The following TTC39C variants were observed in gnomAD, a reference collection of about 807,000 sequenced individuals.
TTC39C encodes tetratricopeptide repeat domain 39C.
In TTC39C, 33 loss-of-function variants were observed where a neutral mutation model predicts 76.3. The observed-to-expected ratio is 0.43, with a 90% CI of 0.33 to 0.58. TTC39C has a LOEUF of 0.58. TTC39C is among the 20% of genes least tolerant of loss of function. The pLI, the probability that TTC39C is intolerant of heterozygous loss-of-function variation, is 0.04. For synonymous variants in TTC39C, 254 were observed against 260.6 expected (o/e 0.97, Z 0.24); for missense variants, 595 against 701.4 (o/e 0.85, Z 1.71).
chr18:24,072,682 A>G (rs1336998873), intron 4 of TTC39C, among the ~76,000 whole-genome samples: 1 of 152,208 alleles, frequency 6.6e-6, no homozygotes, highest in Non-Finnish European at 1.5e-5. Context: ...TTAATTTCCC[A>G]TACTACTTTA....
intron 1 of TTC39C, among the ~76,000 whole-genome samples, chr18:24,054,545 T>C (rs1469413441): frequency 6.6e-6 from 1 of 152,200 alleles, no homozygotes; most frequent in African/African-American, 2.4e-5. Flanking sequence ...AAGACCCCCT[T>C]GATCTTCTTG....
At chr18:24,025,928 C>T (rs964894717) in intron 1 of TTC39C, among the ~76,000 whole-genome samples, 8 of 152,272 alleles carry the variant, frequency 5.3e-5, no homozygotes, top group East Asian at 1.9e-4. Flanking sequence ...GCGTTGGTGA[C>T]GGCAGGCAGC....
upstream of TTC39C, among the ~76,000 whole-genome samples, chr18:24,012,100 T>C (rs1341143303): frequency 1.3e-5 from 2 of 152,154 alleles, no homozygotes; most frequent in Non-Finnish European, 2.9e-5. Context: ...CCGGGGCAGG[T>C]GTCAATGCCA....
Position 24,134,257 on chromosome 18 carries a change from G to GTTTTTTTTTTTTTTTT in TTC39C, c.*1689_*1690insTTTTTTTTTTTTTTTT, listed in dbSNP as rs1182625147. On this transcript the variant is annotated 3_prime_UTR_variant, in exon 14 of 14. Transcript: ENST00000317571. Reference sequence around the variant, plus strand: ...TGGTGCCCAAAAATATTGGACATCTGTTTTTTGTTTTTTTTTTTTTTTTTT... The same window carrying GTTTTTTTTTTTTTTTT: ...TGGTGCCCAAAAATATTGGACATCTGTTTTTTTTTTTTTTTTTTTTTTGTTTTTTTTTTTTTTTTTT... 1.8e-4 allele frequency: 9 copies of GTTTTTTTTTTTTTTTT among 48,722 alleles called. 2 individuals carry two copies. Among genetic ancestry groups the GTTTTTTTTTTTTTTTT allele is most frequent in the Non-Finnish European group, 2.7e-4 (6 of 21,830 alleles). 3.0% of individuals were successfully genotyped at this position (48,722 alleles called of 1,614,324 possible). A position where few individuals can be genotyped will look rare whatever the true frequency, so the allele number is the denominator to read the frequency against.
At chr18:24,012,885 A>ACACACACACG (rs2083404629), upstream of TTC39C, 3 of 147,066 alleles carry the variant, frequency 2.0e-5, no homozygotes, top group Admixed American at 1.4e-4. Flanking sequence ...ACACACACAC[A>ACACACACACG]CGCATAAATT....
intron 1 of TTC39C, among the ~76,000 whole-genome samples, chr18:24,003,989 A>G (rs1032927897): frequency 3.3e-4 from 50 of 152,068 alleles, no homozygotes; most frequent in African/African-American, 1.1e-3. Flanking sequence ...GCCTCAAGCA[A>G]TCCTCCCTGC....
At chr18:24,027,887 G>T (rs564666785) in intron 1 of TTC39C, among the ~76,000 whole-genome samples, 1 of 228 alleles carries the variant, frequency 4.4e-3, no homozygotes, top group South Asian at 0.25. Context: ...ATCCAAGGCT[G>T]CATGGGGTGG....
chr18:24,025,233 T>C (rs1371499042), intron 1 of TTC39C, among the ~76,000 whole-genome samples: 1 of 152,216 alleles, frequency 6.6e-6, no homozygotes, highest in Non-Finnish European at 1.5e-5. Context: ...TACGTATCCT[T>C]AAGAATATTG....
intron 6 of TTC39C, among the ~76,000 whole-genome samples, chr18:24,107,699 G>A (rs1040427615): frequency 7.2e-5 from 11 of 152,166 alleles, no homozygotes; most frequent in African/African-American, 1.9e-4. Flanking sequence ...TCTCTTTTTC[G>A]ATAAATTATC....
chr18:24,114,308 G>C (rs2084862085), intron 6 of TTC39C: 1 of 263,344 alleles, frequency 3.8e-6, no homozygotes, highest in Non-Finnish European at 6.7e-6. Context: ...GAGAACGCTG[G>C]AGGAGAAGGC....
rs144279445 is a variant in TTC39C, at chr18:24,083,072, A to G, written c.975A>G (p.Gln325=). The part of the protein sequence containing the change: ...SLFMFFKGRI[Q]RLECQINSAL... The stretch of plus-strand genomic sequence containing the variant: ...TTATGTTTTTCAAGGGACGGATACA[A>G]CGACTAGAGGTACTGTACCTTCCTC... Residue 325 remains glutamine (Q), a synonymous_variant, in exon 6 of 14, where the codon CAA becomes CAG. Transcript: ENST00000317571. 4.8e-5 allele frequency: 77 copies of G among 1,613,844 alleles called. No individual in the cohort carries two copies. In the African/African-American group the frequency reaches 9.6e-4, roughly 20 times the overall value.
intron 1 of TTC39C, among the ~76,000 whole-genome samples, chr18:24,039,521 G>A (rs1435964559): frequency 6.6e-6 from 1 of 152,308 alleles, no homozygotes; most frequent in South Asian, 2.1e-4. Flanking sequence ...TTGTAGAGAC[G>A]GAGTCTCAGT....
intron 7 of TTC39C, among the ~76,000 whole-genome samples, chr18:24,116,587 C>T (rs2084894264): frequency 6.6e-6 from 1 of 152,110 alleles, no homozygotes; most frequent in South Asian, 2.1e-4. Flanking sequence ...ATGTCAATAT[C>T]ACATCCCATA....
upstream of TTC39C, among the ~76,000 whole-genome samples, chr18:24,012,319 C>G (rs1380460389): frequency 6.6e-6 from 1 of 152,126 alleles, no homozygotes; most frequent in African/African-American, 2.4e-5. Flanking sequence ...ATCCACGCCA[C>G]CCCTCCCCTG....
chr18:24,053,679 T>C (rs972687443), intron 1 of TTC39C, among the ~76,000 whole-genome samples: 6 of 152,196 alleles, frequency 3.9e-5, no homozygotes, highest in Non-Finnish European at 7.3e-5. Context: ...ACTTGAGATA[T>C]AGAACAGTAA....
intron 6 of TTC39C, among the ~76,000 whole-genome samples, chr18:24,109,314 G>T (rs1425224064): frequency 2.0e-5 from 3 of 151,754 alleles, no homozygotes; most frequent in Non-Finnish European, 4.4e-5. Context: ...GGGTGACAGA[G>T]CAAGACCCTG....
rs75692856 is a variant in TTC39C at position 24,042,001 on chromosome 18, G to A, written c.168-22139G>A. On this transcript the variant is annotated intron_variant, in intron 1 of 13. Coordinates refer to ENST00000317571, the MANE Select transcript of TTC39C (RefSeq NM_001135993.2). Reference sequence around the variant, plus strand: ...ATGCTTTCATTGCATATTTTTAACCGTTAACAACATATAGGTTTCTGTTTT... The same window carrying A: ...ATGCTTTCATTGCATATTTTTAACCATTAACAACATATAGGTTTCTGTTTT... Among the ~76,000 whole-genome samples, 1,518 of 152,040 alleles carry A rather than the reference G, an allele frequency of 1.0e-2. 27 individuals are homozygous for A. Among genetic ancestry groups the A allele is most frequent in the African/African-American group, 0.035 (1,436 of 41,436 alleles).
chr18:24,005,836 C>T (rs1277274952), intron 1 of TTC39C, among the ~76,000 whole-genome samples: 1 of 148,152 alleles, frequency 6.7e-6, no homozygotes, highest in Non-Finnish European at 1.5e-5. Context: ...CTGAGTGAGA[C>T]CCTGTCTCAA....
At chr18:24,020,749 T>A (rs949207974) in intron 1 of TTC39C, among the ~76,000 whole-genome samples, 2 of 152,228 alleles carry the variant, frequency 1.3e-5, no homozygotes, top group Non-Finnish European at 1.5e-5. Context: ...AACCTTTTTT[T>A]CCAAGTATGT....
Sources: gnomAD v4.1 joint callset for allele counts (sites outside exome capture counted in the v4.1 genomes callset) on GRCh38, gnomAD v4.1.1 for gene constraint, MANE v1.5 for transcripts, NCBI Gene and HGNC (gene_info 2026-07-23, HGNC 2026-07-21) for gene names.